SLC39A11: variants seen among roughly 807,000 people sequenced by gnomAD.
The protein encoded by SLC39A11 is solute carrier family 39 member 11, also known as zinc transporter ZIP11.
In SLC39A11, 33 loss-of-function variants were observed where a neutral mutation model predicts 36.1. That is an observed-to-expected ratio of 0.91 (90% CI 0.69 to 1.22). The LOEUF is 1.22. Among genes scored for constraint, SLC39A11 ranks in the 50% most tolerant of loss-of-function variants. The pLI, the probability that SLC39A11 is intolerant of heterozygous loss-of-function variation, is 0.00. For missense variants in SLC39A11, 432 were observed against 430.3 expected, an observed-to-expected ratio of 1.00 and a Z score of -0.03; for synonymous variants, 166 against 170.3, an observed-to-expected ratio of 0.97 and a Z score of 0.20.
intron 5 of SLC39A11, among the ~76,000 whole-genome samples, chr17:72,901,212 C>T (rs73343657): frequency 8.5e-5 from 13 of 152,318 alleles, no homozygotes; most frequent in African/African-American, 2.6e-4. Flanking sequence ...GCCTGGACTG[C>T]GGGAGCTGGA....
At chr17:72,861,282 C>A (rs1038387716) in intron 5 of SLC39A11, among the ~76,000 whole-genome samples, 2 of 152,138 alleles carry the variant, frequency 1.3e-5, no homozygotes, top group African/African-American at 2.4e-5. Context: ...ACATTTTCAA[C>A]CTTCAGAAAG....
At chr17:73,068,336 T>C in intron 3 of SLC39A11, 1 of 557,560 alleles carries the variant, frequency 1.8e-6, no homozygotes, top group East Asian at 2.9e-5. Flanking sequence ...GCCACTATGT[T>C]TCAGGTCTCA....
chr17:72,875,746 C>G (rs1452655758), intron 5 of SLC39A11, among the ~76,000 whole-genome samples: 1 of 152,152 alleles, frequency 6.6e-6, no homozygotes, highest in Non-Finnish European at 1.5e-5. Context: ...ACTTTCAATG[C>G]TTACTGTGTC....
At chr17:72,743,883 A>G (rs1345290030) in intron 6 of SLC39A11, among the ~76,000 whole-genome samples, 4 of 152,224 alleles carry the variant, frequency 2.6e-5, no homozygotes, top group Non-Finnish European at 5.9e-5. Context: ...CCATTAGCTC[A>G]GGGAAAATGA....
chr17:72,803,164 G>C (rs1273498664), intron 6 of SLC39A11, among the ~76,000 whole-genome samples: 1 of 152,254 alleles, frequency 6.6e-6, no homozygotes, highest in Admixed American at 6.5e-5. Context: ...GCGCGCCTCT[G>C]AGGCAACTGG....
intron 6 of SLC39A11, 50 bp from the exon 7 acceptor site, chr17:72,736,769 A>C: frequency 7.1e-7 from 1 of 1,416,950 alleles, no homozygotes; most frequent in Non-Finnish European, 1.0e-6. Context: ...TTTCCCCATA[A>C]GGAACATCAC....
In SLC39A11 at chr17:72,947,774, C is replaced by G. The variant is rs751307569; in HGVS notation, c.408G>C (p.Glu136Asp). 1.2e-5 allele frequency: 20 copies of G among 1,613,988 alleles called. No homozygotes were observed. In the South Asian group the frequency reaches 1.9e-4, roughly 15 times the overall value. ...TACCTATCCGGATGGAAAGTTCACTCTCAGGGAAGAGCAGCGCGGGACCCT... is the reference window on the plus strand; with the variant it reads ...TACCTATCCGGATGGAAAGTTCACTGTCAGGGAAGAGCAGCGCGGGACCCT... ...DPEGPALLFP[E>D]SELSIRIDKS... is the part of the protein sequence containing the mutation. Residue 136 changes from glutamate to aspartate, a missense_variant, in exon 5 of 10, where the codon GAG becomes GAC. Glu to Asp is a conservative substitution (Grantham distance 45). Transcript: ENST00000255559.
At chr17:73,076,167 A>C (rs1023352870) in intron 3 of SLC39A11, among the ~76,000 whole-genome samples, 7 of 152,084 alleles carry the variant, frequency 4.6e-5, no homozygotes, top group Admixed American at 1.3e-4. Context: ...GGCAAAAAAA[A>C]AAAAAGTCAA....
At chr17:72,746,497 C>A (rs184996528) in intron 6 of SLC39A11, among the ~76,000 whole-genome samples, 206 of 152,080 alleles carry the variant, frequency 1.4e-3, no homozygotes, top group African/African-American at 4.7e-3. Context: ...ACACCTATAA[C>A]CCCATCACTT....
At chr17:72,818,786 G>A (rs1433906880) in intron 6 of SLC39A11, 1 of 152,078 alleles carries the variant, frequency 6.6e-6, no homozygotes, top group African/African-American at 2.4e-5. Context: ...ATACTCATCT[G>A]AGCAATTAAT....
intron 6 of SLC39A11, among the ~76,000 whole-genome samples, chr17:72,760,614 CA>C (rs2075544069): frequency 6.6e-6 from 1 of 152,220 alleles, no homozygotes; most frequent in African/African-American, 2.4e-5. Context: ...AGACCTCCCC[CA>C]ACACTGGGAA....
chr17:72,983,704 C>G (rs2088499712), intron 4 of SLC39A11, among the ~76,000 whole-genome samples: 1 of 152,126 alleles, frequency 6.6e-6, no homozygotes, highest in African/African-American at 2.4e-5. Flanking sequence ...ACCACAGATC[C>G]CTTTGTACCT....
At chr17:72,798,850 C>A (rs1481246400) in intron 6 of SLC39A11, among the ~76,000 whole-genome samples, 8 of 152,048 alleles carry the variant, frequency 5.3e-5, no homozygotes, top group Admixed American at 3.9e-4. Context: ...CAGTCCAGAG[C>A]AAACTGTCAG....
intron 6 of SLC39A11, among the ~76,000 whole-genome samples, chr17:72,769,306 C>A (rs2075855131): frequency 1.3e-5 from 2 of 152,198 alleles, no homozygotes; most frequent in South Asian, 2.1e-4. Flanking sequence ...CACTCATCTA[C>A]CAAGTGGAGG....
chr17:72,975,870 A>G (rs1187857641), intron 4 of SLC39A11, among the ~76,000 whole-genome samples: 2 of 152,170 alleles, frequency 1.3e-5, no homozygotes, highest in Admixed American at 6.5e-5. Context: ...TGAGAAAACA[A>G]GAATGAAAAT....
intron 4 of SLC39A11, among the ~76,000 whole-genome samples, chr17:72,952,396 G>A (rs2452919): frequency 0.18 from 27,760 of 152,134 alleles, 3,279 homozygotes; most frequent in Non-Finnish European, 0.25. Context: ...CGTCCCTGGC[G>A]GTGGGGGAAA....
intron 5 of SLC39A11, among the ~76,000 whole-genome samples, chr17:72,906,888 C>T (rs2082682145): frequency 6.6e-6 from 1 of 152,190 alleles, no homozygotes; most frequent in Admixed American, 6.5e-5. Context: ...CCCTTCAAGT[C>T]ACAAATCCTG....
intron 4 of SLC39A11, among the ~76,000 whole-genome samples, chr17:72,976,910 T>A (rs763473779): frequency 6.6e-6 from 1 of 152,276 alleles, no homozygotes; most frequent in South Asian, 2.1e-4. Flanking sequence ...TTATATATTG[T>A]AACCAATGTT....
chr17:72,983,852 A>G (rs1031762369), intron 4 of SLC39A11, among the ~76,000 whole-genome samples: 50 of 152,176 alleles, frequency 3.3e-4, no homozygotes, highest in Non-Finnish European at 5.4e-4. Context: ...GTTACTAAGG[A>G]AAAGGGAACC....
Sources: gnomAD v4.1 joint callset for allele counts (sites outside exome capture counted in the v4.1 genomes callset) on GRCh38, gnomAD v4.1.1 for gene constraint, MANE v1.5 for transcripts, NCBI Gene and HGNC (gene_info 2026-07-23, HGNC 2026-07-21) for gene names.